Variants in MCM4 observed in about 807,000 individuals in gnomAD.
The protein encoded by MCM4 is DNA replication licensing factor MCM4.
MCM4 carries 60 observed loss-of-function variants against 88.7 expected under a neutral mutation model. That is an observed-to-expected ratio of 0.68 (90% CI 0.55 to 0.84). The LOEUF (loss-of-function observed/expected upper bound fraction) is 0.84. MCM4 is among the 40% of genes least tolerant of loss of function. The probability of loss-of-function intolerance (pLI) is 0.00; values close to 1 mark genes in which losing one functional copy is unlikely to be tolerated. For missense variants in MCM4, 1,149 were observed against 1,105.5 expected (o/e 1.04, Z -0.56); for synonymous variants, 465 against 410.5 (o/e 1.13, Z -1.61).
At position 47,961,225 on chromosome 8, in the gene MCM4, C is replaced by G. The variant is rs765819584; in HGVS notation, c.70+11C>G. On this transcript the variant is annotated intron_variant, in intron 2 of 16. Coordinates refer to ENST00000649973, the MANE Select transcript of MCM4 (RefSeq NM_182746.3). ...CCCCCGCCCAGACGCGTGAGTCCCC[C>G]GAGCCGGGCCCACTACAGCCCCCGG... The G allele has an allele frequency of 2.0e-6, 3 of 1,496,832 alleles. No individual in the cohort carries two copies. The highest frequency in any genetic ancestry group is 2.2e-5 in the Admixed American group (1 of 46,354). The allele number at this position is 1,496,832 out of a possible 1,614,324, so 92.7% of individuals were successfully genotyped here. A position where few individuals can be genotyped will look rare whatever the true frequency, so the allele number is the denominator to read the frequency against.
At position 47,974,731 on chromosome 8, in the gene MCM4, T is replaced by A. The variant is rs1221459239; in HGVS notation, c.2137-3T>A. The A allele has an allele frequency of 1.2e-5, 19 of 1,612,014 alleles. No homozygotes were observed. The highest frequency in any genetic ancestry group is 1.4e-5 in the Non-Finnish European group (17 of 1,178,270). ...TTTGCTTTTGTTTTTCTACCTACAA[T>A]AGGCTTATGTAGACATGAGGAAGAT... is the stretch of plus-strand genomic sequence containing the variant. On this transcript the variant is annotated splice_region_variant and splice_polypyrimidine_tract_variant and intron_variant, in intron 14 of 16. Transcript: ENST00000649973.
At chr8:47,973,799 T>C (rs1231803434) in intron 14 of MCM4, 1 of 152,308 alleles carries the variant, frequency 6.6e-6, no homozygotes, top group Admixed American at 6.5e-5. Context: ...TATACTATTT[T>C]TTATAACTGT....
intron 3 of MCM4, 66 bp from the exon 4 acceptor site, chr8:47,961,987 A>G: frequency 6.9e-7 from 1 of 1,457,910 alleles, no homozygotes; most frequent in Non-Finnish European, 9.6e-7. Flanking sequence ...GGTATAGATC[A>G]ACAGACAACA....
intron 2 of MCM4, 132 bp downstream of exon 2, chr8:47,961,346 C>T (rs1019485412): frequency 1.1e-4 from 161 of 1,470,194 alleles, no homozygotes; most frequent in Non-Finnish European, 1.3e-4. Context: ...CCGCTTGGTG[C>T]GCACAGACAC....
chr8:47,961,328 G>A (rs1025157376), intron 2 of MCM4, 114 bp downstream of exon 2: 10 of 1,451,518 alleles, frequency 6.9e-6, no homozygotes, highest in Non-Finnish European at 9.0e-6. Flanking sequence ...GCCTCGGGCT[G>A]GGCGCTGCCG....
rs943394242 is a variant in MCM4, at chr8:47,973,295, G to A, written c.2136+231G>A. Among the ~76,000 whole-genome samples the A allele has an allele frequency of 9.2e-5, 14 of 151,918 alleles. No homozygotes were observed. The East Asian group carries it at 2.5e-3, about 27-fold the overall frequency. On this transcript the variant is annotated intron_variant, in intron 14 of 16. Transcript: ENST00000649973. The stretch of plus-strand genomic sequence containing the variant: ...GGGTTCAAGCGATTCTCCTGCTTCA[G>A]CCTCCCTATTAGCTGGGATTACAGG...
intron 13 of MCM4, among the ~76,000 whole-genome samples, chr8:47,972,494 C>T (rs1344558819): frequency 2.0e-5 from 3 of 152,190 alleles, no homozygotes; most frequent in Middle Eastern, 3.4e-3. Context: ...GTCTTTAGTA[C>T]GTCGTTTGTA....
At chr8:47,962,010 A>G (rs767660659) in intron 3 of MCM4, 43 bp from the exon 4 acceptor site, 1 of 1,576,676 alleles carries the variant, frequency 6.3e-7, no homozygotes, top group South Asian at 1.1e-5. Context: ...CTGTAATTTC[A>G]GGTTTGATAT....
Position 47,961,229 on chromosome 8 carries a change from C to G in MCM4, c.70+15C>G. On this transcript the variant is annotated intron_variant, in intron 2 of 16. Coordinates refer to ENST00000649973, the MANE Select transcript of MCM4 (RefSeq NM_182746.3). Reference sequence around the variant, plus strand: ...CGCCCAGACGCGTGAGTCCCCCGAGCCGGGCCCACTACAGCCCCCGGCGCC... The same window carrying G: ...CGCCCAGACGCGTGAGTCCCCCGAGGCGGGCCCACTACAGCCCCCGGCGCC... 6.7e-7 allele frequency: 1 copy of G among 1,494,892 alleles called. No individual in the cohort carries two copies. Among genetic ancestry groups the G allele is most frequent in the Non-Finnish European group, 8.8e-7 (1 of 1,130,030 alleles). 92.6% of individuals were successfully genotyped at this position (1,494,892 alleles called of 1,614,324 possible).
At chr8:47,964,869 T>C (rs2090885013) in intron 8 of MCM4, among the ~76,000 whole-genome samples, 157 bp downstream of exon 8, 1 of 152,234 alleles carries the variant, frequency 6.6e-6, no homozygotes, top group African/African-American at 2.4e-5. Flanking sequence ...TTATCCTATA[T>C]ACTTATGAAC....
At chr8:47,964,907 G>A (rs1304936291) in intron 8 of MCM4, among the ~76,000 whole-genome samples, 195 bp downstream of exon 8, 1 of 152,180 alleles carries the variant, frequency 6.6e-6, no homozygotes, top group South Asian at 2.1e-4. Context: ...TTTAATTGAA[G>A]TTTCTGATAT....
chr8:47,963,875 C>T (rs967133665), intron 7 of MCM4, among the ~76,000 whole-genome samples: 1 of 152,160 alleles, frequency 6.6e-6, no homozygotes, highest in Non-Finnish European at 1.5e-5. Context: ...AAGCTGTTTC[C>T]TCATCTGTAA....
intron 14 of MCM4, 129 bp downstream of exon 14, chr8:47,973,193 C>T: frequency 1.1e-6 from 1 of 896,952 alleles, no homozygotes; most frequent in East Asian, 2.7e-5. Flanking sequence ...TGTTTTGAGA[C>T]AGAGCCTGGC....
rs1222924064 is a variant in MCM4 at position 47,970,891 on chromosome 8, C to G, written c.1800+15C>G. On this transcript the variant is annotated intron_variant, in intron 12 of 16. Coordinates refer to ENST00000649973, the MANE Select transcript of MCM4 (RefSeq NM_182746.3). Reference sequence around the variant, plus strand: ...CCATTGCAAAGGTGAGTCGCCTTCTCCACCGTGAACATGGACGTGTTTAAA... The same window carrying G: ...CCATTGCAAAGGTGAGTCGCCTTCTGCACCGTGAACATGGACGTGTTTAAA... 6.4e-7 allele frequency: 1 copy of G among 1,568,134 alleles called. No homozygotes were observed. Among genetic ancestry groups the G allele is most frequent in the East Asian group, 2.3e-5 (1 of 44,314 alleles).
chr8:47,961,415 T>C (rs973313826), intron 2 of MCM4, 101 bp from the exon 3 acceptor site: 7 of 1,598,986 alleles, frequency 4.4e-6, no homozygotes, highest in African/African-American at 4.0e-5. Context: ...CTCTGTTTGG[T>C]TTGGTTCAGT....
Position 47,977,576 on chromosome 8 carries a change from A to C in MCM4, c.*798A>C, listed in dbSNP as rs756962896. On this transcript the variant is annotated 3_prime_UTR_variant, in exon 17 of 17. Coordinates refer to ENST00000649973, the MANE Select transcript of MCM4 (RefSeq NM_182746.3). ...AGTACACTGGTACAATCACGGCTCA[A>C]TGTAGGCTTAACCTCCTGGGCTCAG... is the stretch of plus-strand genomic sequence containing the variant. The C allele has an allele frequency of 5.3e-5, 8 of 152,162 alleles. No homozygotes were observed. Among genetic ancestry groups the C allele is most frequent in the Non-Finnish European group, 1.2e-4 (8 of 68,054 alleles). 9.4% of individuals were successfully genotyped at this position (152,162 alleles called of 1,614,324 possible).
intron 15 of MCM4, chr8:47,975,171 AGTTTTTTTTT>A (rs1240404989): frequency 6.3e-6 from 3 of 472,666 alleles, no homozygotes; most frequent in Admixed American, 7.7e-5. Flanking sequence ...TTTTGTGTAT[AGTTTTTTTTT>A]GTTTTTTTTT....
chr8:47,965,379 G>T (rs759455807), intron 8 of MCM4, among the ~76,000 whole-genome samples: 1 of 152,078 alleles, frequency 6.6e-6, no homozygotes, highest in Non-Finnish European at 1.5e-5. Context: ...CTGAGGTGAC[G>T]GGCTTACTTG....
intron 7 of MCM4, among the ~76,000 whole-genome samples, chr8:47,964,124 G>A (rs371630390): frequency 3.5e-4 from 53 of 152,320 alleles, no homozygotes; most frequent in African/African-American, 1.3e-3. Flanking sequence ...TCGGGAGGCT[G>A]AGGCAGGAGA....
Sources: allele counts gnomAD v4.1 joint callset (sites outside exome capture counted in the v4.1 genomes callset), GRCh38; gene constraint gnomAD v4.1.1; transcripts MANE v1.5; gene names NCBI Gene and HGNC (gene_info 2026-07-23, HGNC 2026-07-21).